PPP3R1: variants seen among roughly 807,000 people sequenced by gnomAD.
The protein encoded by PPP3R1 is protein phosphatase 3 regulatory subunit B, alpha, also known as calcineurin subunit B type 1.
A neutral mutation model predicts 22.6 loss-of-function variants in PPP3R1; 5 were observed. The observed-to-expected ratio is 0.22, with a 90% CI of 0.12 to 0.46. The LOEUF (loss-of-function observed/expected upper bound fraction) is 0.46, where lower values mean the gene tolerates loss of function less well. Ranked by LOEUF, PPP3R1 falls within the 20% of genes least tolerant of loss-of-function variation. PPP3R1 has a pLI of 0.99. For synonymous variants in PPP3R1, 56 were observed against 65.2 expected, an observed-to-expected ratio of 0.86 and a Z score of 0.68; for missense variants, 61 against 203.2, an observed-to-expected ratio of 0.30 and a Z score of 4.25.
rs141265728 is a variant in PPP3R1, at chr2:68,194,688, T to A, written c.44-5998A>T. On this transcript the variant is annotated intron_variant, in intron 2 of 5. Coordinates refer to ENST00000234310, the MANE Select transcript of PPP3R1 (RefSeq NM_000945.4). Reference sequence around the variant, plus strand: ...GCTATTCAACTGTTGGGATTAAAAGTAAAGACAACTTAAAGCAGTGTGAAC... The same window carrying A: ...GCTATTCAACTGTTGGGATTAAAAGAAAAGACAACTTAAAGCAGTGTGAAC... Among the ~76,000 whole-genome samples the A allele has an allele frequency of 2.7e-3, 413 of 152,184 alleles. 2 individuals carry two copies. The highest frequency in any genetic ancestry group is 6.2e-3 in the African/African-American group (259 of 41,548).
At chr2:68,229,997 C>T (rs1301668530) in intron 1 of PPP3R1, among the ~76,000 whole-genome samples, 3 of 150,076 alleles carry the variant, frequency 2.0e-5, no homozygotes, top group African/African-American at 7.5e-5. Context: ...CACACACACA[C>T]ACACACACAC....
chr2:68,252,064 AC>A, intron 1 of PPP3R1, 60 bp downstream of exon 1: 1 of 1,360,274 alleles, frequency 7.4e-7, no homozygotes, highest in Non-Finnish European at 9.7e-7. Flanking sequence ...TCGCCCCCGC[AC>A]CCGACCCGGA....
At chr2:68,241,979 G>C (rs924630219) in intron 1 of PPP3R1, among the ~76,000 whole-genome samples, 1 of 152,100 alleles carries the variant, frequency 6.6e-6, no homozygotes, top group Non-Finnish European at 1.5e-5. Flanking sequence ...TAACACAGTA[G>C]CCACTACCTA....
At chr2:68,216,972 TGCTACAAAGG>T (rs1303578656) in intron 2 of PPP3R1, 110 bp downstream of exon 2, 19 of 690,560 alleles carry the variant, frequency 2.8e-5, no homozygotes, top group Non-Finnish European at 4.2e-5. Context: ...GGGCTCACAT[TGCTACAAAGG>T]TAAGTAAATA....
At chr2:68,209,964 G>A (rs975877633) in intron 2 of PPP3R1, among the ~76,000 whole-genome samples, 2 of 152,150 alleles carry the variant, frequency 1.3e-5, no homozygotes, top group African/African-American at 4.8e-5. Flanking sequence ...AAATTGACAA[G>A]TGTTTTGGGG....
At chr2:68,189,467 T>C (rs1181491710) in intron 2 of PPP3R1, among the ~76,000 whole-genome samples, 1 of 152,250 alleles carries the variant, frequency 6.6e-6, no homozygotes, top group East Asian at 1.9e-4. Flanking sequence ...GTTTAAGCTA[T>C]TTTCTTCTAA....
At chr2:68,222,709 C>T (rs1669708187) in intron 1 of PPP3R1, among the ~76,000 whole-genome samples, 1 of 152,162 alleles carries the variant, frequency 6.6e-6, no homozygotes, top group South Asian at 2.1e-4. Context: ...AGGAACAGAA[C>T]TTCTTAGCCT....
At chr2:68,248,437 C>T (rs1411585319) in intron 1 of PPP3R1, among the ~76,000 whole-genome samples, 2 of 152,218 alleles carry the variant, frequency 1.3e-5, no homozygotes, top group Non-Finnish European at 2.9e-5. Flanking sequence ...ATAGTTAGTG[C>T]TAGGTACATT....
intron 2 of PPP3R1, among the ~76,000 whole-genome samples, chr2:68,203,377 G>A (rs1277720135): frequency 1.3e-5 from 2 of 152,182 alleles, no homozygotes; most frequent in African/African-American, 4.8e-5. Context: ...CAAGGCGGGT[G>A]GATCACCTGA....
At chr2:68,243,564 GTTTAAT>G (rs1373379255) in intron 1 of PPP3R1, among the ~76,000 whole-genome samples, 2 of 152,062 alleles carry the variant, frequency 1.3e-5, no homozygotes, top group African/African-American at 4.8e-5. Context: ...TCCATGTTAT[GTTTAAT>G]AAGATATTAG....
chr2:68,242,470 G>A (rs932319465), intron 1 of PPP3R1, among the ~76,000 whole-genome samples: 1 of 151,852 alleles, frequency 6.6e-6, no homozygotes. Context: ...ACGAACAGAC[G>A]TTAACAGTCC....
chr2:68,206,035 C>T (rs1675114548), intron 2 of PPP3R1, among the ~76,000 whole-genome samples: 1 of 151,974 alleles, frequency 6.6e-6, no homozygotes, highest in East Asian at 1.9e-4. Context: ...TCAGGCTGGT[C>T]TTGAACTCCG....
intron 2 of PPP3R1, among the ~76,000 whole-genome samples, chr2:68,190,663 TAAGA>T (rs1364970777): frequency 2.6e-5 from 4 of 152,182 alleles, no homozygotes; most frequent in Non-Finnish European, 5.9e-5. Flanking sequence ...TTAGGGGCTT[TAAGA>T]ACCTCAAGTC....
At chr2:68,232,245 GTGTGTGTGTGTGTGTGTGTGTATATA>G (rs1558641497) in intron 1 of PPP3R1, among the ~76,000 whole-genome samples, 5 of 69,290 alleles carry the variant, frequency 7.2e-5, no homozygotes, top group African/African-American at 4.7e-4. Flanking sequence ...GTGTGTGTGT[GTGTGTGTGTGTGTGTGTGTGTATATA>G]TATATACACA....
At chr2:68,248,874 GCTAA>G (rs1190038896) in intron 1 of PPP3R1, among the ~76,000 whole-genome samples, 2 of 152,092 alleles carry the variant, frequency 1.3e-5, no homozygotes, top group African/African-American at 4.8e-5. Flanking sequence ...CTCATCACAT[GCTAA>G]CTTACTTCAC....
chr2:68,209,665 G>A (rs1394977090), intron 2 of PPP3R1, among the ~76,000 whole-genome samples: 1 of 151,918 alleles, frequency 6.6e-6, no homozygotes, highest in African/African-American at 2.4e-5. Context: ...GGCTGAGGTA[G>A]GAGAATCGCT....
chr2:68,197,886 T>C (rs1674823166), intron 2 of PPP3R1, among the ~76,000 whole-genome samples: 2 of 151,670 alleles, frequency 1.3e-5, no homozygotes, highest in Non-Finnish European at 1.5e-5. Context: ...CCATCCTTGA[T>C]CATGAAGATT....
At chr2:68,243,429 C>T (rs1387094462) in intron 1 of PPP3R1, among the ~76,000 whole-genome samples, 2 of 152,006 alleles carry the variant, frequency 1.3e-5, no homozygotes, top group African/African-American at 2.4e-5. Context: ...ATGAGGGCTA[C>T]TGGAGAAAAG....
Position 68,205,725 on chromosome 2 carries a change from T to C in PPP3R1, c.43+11367A>G, listed in dbSNP as rs148726226. Among the ~76,000 whole-genome samples, 412 of 152,298 alleles carry C rather than the reference T, an allele frequency of 2.7e-3. 2 individuals carry two copies. The highest frequency in any genetic ancestry group is 6.3e-3 in the African/African-American group (260 of 41,558). ...ATGTGTTGATAAAATGAAGATGACCTTGATAGCAGTGTCCGTGGAGTTATA... is the reference window on the plus strand; with the variant it reads ...ATGTGTTGATAAAATGAAGATGACCCTGATAGCAGTGTCCGTGGAGTTATA... On this transcript the variant is annotated intron_variant, in intron 2 of 5. Transcript: ENST00000234310.
Sources: gnomAD v4.1 joint callset for allele counts (sites outside exome capture counted in the v4.1 genomes callset) on GRCh38, gnomAD v4.1.1 for gene constraint, MANE v1.5 for transcripts, NCBI Gene and HGNC (gene_info 2026-07-23, HGNC 2026-07-21) for gene names.